The following LUC7L2 variants were observed in gnomAD, a reference collection of about 807,000 sequenced individuals.
The protein encoded by LUC7L2 is LUC7 like 2, pre-mRNA splicing factor.
LUC7L2 carries 25 observed loss-of-function variants against 52.8 expected under a neutral mutation model. That is an observed-to-expected ratio of 0.47 (90% CI 0.34 to 0.66). LUC7L2 has a LOEUF of 0.66. Among genes scored for constraint, LUC7L2 ranks in the 30% least tolerant of loss-of-function variants. The probability of loss-of-function intolerance (pLI) is 0.01; values close to 1 mark genes in which losing one functional copy is unlikely to be tolerated. For missense variants in LUC7L2, 328 were observed against 497.8 expected (o/e 0.66, Z 3.25); for synonymous variants, 144 against 160.9 (o/e 0.89, Z 0.80).
intron 1 of LUC7L2, among the ~76,000 whole-genome samples, chr7:139,367,831 CG>C (rs1554387874): frequency 6.6e-6 from 1 of 152,096 alleles, no homozygotes; most frequent in Non-Finnish European, 1.5e-5. Context: ...CTTTGGTCCA[CG>C]GGGGTCAGTG....
chr7:139,410,554 A>C (rs1795316908), intron 7 of LUC7L2, among the ~76,000 whole-genome samples: 1 of 66,692 alleles, frequency 1.5e-5, no homozygotes, highest in African/African-American at 4.0e-4. Flanking sequence ...AAAATCACAT[A>C]GCATCATGGT....
At chr7:139,419,188 C>G (rs1795773859) in intron 9 of LUC7L2, among the ~76,000 whole-genome samples, 1 of 151,280 alleles carries the variant, frequency 6.6e-6, no homozygotes, top group South Asian at 2.1e-4. Context: ...ACATCTTTGA[C>G]AATAATTAGA....
Position 139,409,655 on chromosome 7 carries a change from G to T in LUC7L2, c.779+1G>T, listed in dbSNP as rs1158330685. On this transcript the variant is annotated splice_donor_variant, in intron 7 of 9. Coordinates refer to ENST00000354926, the MANE Select transcript of LUC7L2 (RefSeq NM_016019.5). LOFTEE classifies it high-confidence loss of function. Reference sequence around the variant, plus strand: ...GAGAAGAAAGGGAGAAGCTGAGGAGGTATGGAGTAATGGGCCAAGTAATTG... The same window carrying T: ...GAGAAGAAAGGGAGAAGCTGAGGAGTTATGGAGTAATGGGCCAAGTAATTG... 6.2e-7 allele frequency: 1 copy of T among 1,604,084 alleles called. No individual in the cohort carries two copies. The highest frequency in any genetic ancestry group is 8.5e-7 in the Non-Finnish European group (1 of 1,175,466).
intron 7 of LUC7L2, 79 bp from the exon 8 acceptor site, chr7:139,412,472 C>G: frequency 6.7e-7 from 1 of 1,486,446 alleles, no homozygotes; most frequent in Non-Finnish European, 9.1e-7. Flanking sequence ...CATTAGAAAT[C>G]AGGAAGAATA....
chr7:139,412,672 T>G, intron 8 of LUC7L2, 92 bp downstream of exon 8: 1 of 1,501,044 alleles, frequency 6.7e-7, no homozygotes, highest in Non-Finnish European at 8.9e-7. Context: ...TTTAAAAATT[T>G]TCTTTTTTGG....
intron 1 of LUC7L2, among the ~76,000 whole-genome samples, chr7:139,342,549 A>G (rs1469868054): frequency 6.6e-6 from 1 of 152,004 alleles, no homozygotes; most frequent in Non-Finnish European, 1.5e-5. Context: ...GATTGTGATC[A>G]CCTCCCAGGT....
In LUC7L2 at chr7:139,412,735, G is replaced by A. The variant is rs1795416276; in HGVS notation, c.809+155G>A. The A allele has an allele frequency of 5.0e-6, 4 of 795,426 alleles. No homozygotes were observed. In the South Asian group the frequency reaches 6.9e-5, roughly 14 times the overall value. The allele number at this position is 795,426 out of a possible 1,614,324, so 49.3% of individuals were successfully genotyped here. A position where few individuals can be genotyped will look rare whatever the true frequency, so the allele number is the denominator to read the frequency against. On this transcript the variant is annotated intron_variant, in intron 8 of 9. Coordinates refer to ENST00000354926, the MANE Select transcript of LUC7L2 (RefSeq NM_016019.5). ...CCCAGCTACTCAAGAGGCTGAGGCA[G>A]AATTGCTTGAAGCCGGGAGGCAGAG...
intron 3 of LUC7L2, among the ~76,000 whole-genome samples, chr7:139,401,147 T>G (rs917164552): frequency 5.3e-5 from 8 of 152,042 alleles, no homozygotes; most frequent in African/African-American, 1.9e-4. Context: ...GTGTAGATAC[T>G]GCTAAAATTC....
chr7:139,407,679 T>A (rs1795183524), intron 6 of LUC7L2, among the ~76,000 whole-genome samples: 2 of 147,056 alleles, frequency 1.4e-5, no homozygotes, highest in African/African-American at 5.5e-5. Context: ...TGTAATAATA[T>A]AATATTTATA....
chr7:139,405,920 A>G, intron 5 of LUC7L2, 133 bp downstream of exon 5: 4 of 1,315,844 alleles, frequency 3.0e-6, no homozygotes, highest in Non-Finnish European at 4.0e-6. Flanking sequence ...AACAGTTGTT[A>G]AAGAGAAGTT....
At position 139,422,239 on chromosome 7, in the gene LUC7L2, C is replaced by T. The variant is rs763185073; in HGVS notation, c.1078C>T (p.Arg360Cys). ...CAGGAGTTCAAGAGACAGATCACCT[C>T]GTGACAGAGATCGGAAAGATAAGAA... is the stretch of plus-strand genomic sequence containing the variant. ...RDRSSRDRSP[R>C]DRDRKDKKRS... Residue 360 changes from arginine to cysteine, a missense_variant, in exon 10 of 10, where the codon CGT becomes TGT. By Grantham distance (180) the Arg-to-Cys change is radical. Around this residue, in one of 2 missense-constraint regions of LUC7L2, gnomAD observed 195 missense variants for 223.3 expected, o/e 0.87. Coordinates refer to ENST00000354926, the MANE Select transcript of LUC7L2 (RefSeq NM_016019.5). 6.8e-6 allele frequency: 11 copies of T among 1,614,004 alleles called. No homozygotes were observed. The highest frequency in any genetic ancestry group is 5.0e-5 in the Admixed American group (3 of 59,988).
At chr7:139,357,492 T>C (rs769329295), upstream of LUC7L2, among the ~76,000 whole-genome samples, 4 of 152,160 alleles carry the variant, frequency 2.6e-5, no homozygotes, top group Non-Finnish European at 5.9e-5. Flanking sequence ...TGTATTTCTT[T>C]AAATACACTG....
intron 2 of LUC7L2, among the ~76,000 whole-genome samples, chr7:139,393,373 T>C (rs1318063312): frequency 6.6e-6 from 1 of 152,066 alleles, no homozygotes; most frequent in African/African-American, 2.4e-5. Context: ...AGGGTTGCAG[T>C]GAGCTGAGAT....
At position 139,423,194 on chromosome 7, in the gene LUC7L2, C is replaced by G. The variant is rs1177482281; in HGVS notation, c.*854C>G. The stretch of plus-strand genomic sequence containing the variant: ...CTGTAACTTGTCTAGTAAATTGTCA[C>G]TAGAACTATTTGCTGTGGGCATTTC... On this transcript the variant is annotated 3_prime_UTR_variant, in exon 10 of 10. Transcript: ENST00000354926. 1.5e-5 allele frequency: 6 copies of G among 398,910 alleles called. No individual in the cohort carries two copies. The highest frequency in any genetic ancestry group is 2.7e-5 in the Non-Finnish European group (6 of 226,074). The allele number at this position is 398,910 out of a possible 1,614,324, so 24.7% of individuals were successfully genotyped here. A position where few individuals can be genotyped will look rare whatever the true frequency, so the allele number is the denominator to read the frequency against.
chr7:139,391,768 G>A (rs1794460490), intron 2 of LUC7L2, among the ~76,000 whole-genome samples: 1 of 151,970 alleles, frequency 6.6e-6, no homozygotes, highest in Non-Finnish European at 1.5e-5. Flanking sequence ...TATATTTTTG[G>A]TAGAGACGGG....
At chr7:139,385,455 AG>A (rs1794152138) in intron 2 of LUC7L2, among the ~76,000 whole-genome samples, 1 of 151,460 alleles carries the variant, frequency 6.6e-6, no homozygotes, top group Non-Finnish European at 1.5e-5. Flanking sequence ...CCAAGTAGCA[AG>A]GACTGCAGGC....
At chr7:139,392,005 T>C (rs1794469636) in intron 2 of LUC7L2, among the ~76,000 whole-genome samples, 1 of 152,230 alleles carries the variant, frequency 6.6e-6, no homozygotes, top group Non-Finnish European at 1.5e-5. Flanking sequence ...CCAAAATTCG[T>C]ATTTTATTAT....
At chr7:139,385,763 T>C (rs1794168863) in intron 2 of LUC7L2, among the ~76,000 whole-genome samples, 1 of 152,236 alleles carries the variant, frequency 6.6e-6, no homozygotes, top group African/African-American at 2.4e-5. Flanking sequence ...GATTTCTTTG[T>C]ACAATGAGTC....
intron 1 of LUC7L2, among the ~76,000 whole-genome samples, chr7:139,361,971 A>G (rs1339018781): frequency 6.6e-6 from 1 of 152,188 alleles, no homozygotes; most frequent in Non-Finnish European, 1.5e-5. Context: ...CCATCTCCTG[A>G]TAAGTTTCTG....
Sources: allele counts gnomAD v4.1 joint callset (sites outside exome capture counted in the v4.1 genomes callset), GRCh38; gene constraint gnomAD v4.1.1; regional missense constraint gnomAD v4.1.1; transcripts MANE v1.5; gene names NCBI Gene and HGNC (gene_info 2026-07-23, HGNC 2026-07-21).